The following PXDNL variants were observed in gnomAD, a reference collection of about 807,000 sequenced individuals.
PXDNL encodes the protein probable oxidoreductase PXDNL.
Under a neutral mutation model 150.8 loss-of-function variants are expected in PXDNL, and 145 were observed. The ratio of observed to expected loss-of-function variants is 0.96; its 90% CI spans 0.84 to 1.10. The LOEUF (loss-of-function observed/expected upper bound fraction) is 1.10, where lower values mean the gene tolerates loss of function less well. Among genes scored for constraint, PXDNL ranks in the 50% least tolerant of loss-of-function variants. The probability of loss-of-function intolerance (pLI) is 0.00; values close to 1 mark genes in which losing one functional copy is unlikely to be tolerated. For missense variants in PXDNL, 2,087 were observed against 1,873.9 expected (o/e 1.11, Z -2.10); for synonymous variants, 757 against 725.7 (o/e 1.04, Z -0.69).
intron 2 of PXDNL, among the ~76,000 whole-genome samples, chr8:51,627,134 A>G (rs142080243): frequency 6.6e-6 from 1 of 152,322 alleles, no homozygotes; most frequent in East Asian, 1.9e-4. Context: ...ATCATGAACC[A>G]TGTGTAAAGT....
chr8:51,611,405 A>G (rs912578725), intron 2 of PXDNL, among the ~76,000 whole-genome samples: 6 of 152,160 alleles, frequency 3.9e-5, no homozygotes, highest in Non-Finnish European at 7.4e-5. Context: ...AGTGTTTATT[A>G]TATTGTTTTA....
intron 12 of PXDNL, among the ~76,000 whole-genome samples, chr8:51,442,137 T>G (rs1809565881): frequency 6.6e-6 from 1 of 152,042 alleles, no homozygotes; most frequent in African/African-American, 2.4e-5. Flanking sequence ...CCCAACTCTT[T>G]TATTATTGAG....
At chr8:51,514,939 C>T (rs1426398619) in intron 4 of PXDNL, among the ~76,000 whole-genome samples, 1 of 152,170 alleles carries the variant, frequency 6.6e-6, no homozygotes, top group Non-Finnish European at 1.5e-5. Flanking sequence ...ATTGGAGAAA[C>T]ATACTTGGAG....
chr8:51,431,812 T>C (rs535494011), intron 12 of PXDNL, among the ~76,000 whole-genome samples: 61 of 152,328 alleles, frequency 4.0e-4, no homozygotes, highest in Admixed American at 9.8e-4. Flanking sequence ...ACATTAATTC[T>C]CAGCAAGCAT....
chr8:51,728,285 G>T (rs1219944747), intron 1 of PXDNL, among the ~76,000 whole-genome samples: 1 of 152,136 alleles, frequency 6.6e-6, no homozygotes, highest in Non-Finnish European at 1.5e-5. Context: ...GATAATAAAT[G>T]ACTATGTGAC....
At chr8:51,447,196 G>A (rs1563415981) in intron 11 of PXDNL, 34 bp from the exon 12 acceptor site, 2 of 1,601,372 alleles carry the variant, frequency 1.2e-6, no homozygotes, top group Non-Finnish European at 1.7e-6. Flanking sequence ...ATTCTTCATG[G>A]CCCAGAGCAC....
chr8:51,769,841 G>A (rs757352266), intron 1 of PXDNL, among the ~76,000 whole-genome samples: 1 of 152,186 alleles, frequency 6.6e-6, no homozygotes, highest in African/African-American at 2.4e-5. Flanking sequence ...CCATGGAAAT[G>A]TTTGCTTAAG....
At chr8:51,398,880 T>C (rs866659174) in intron 17 of PXDNL, among the ~76,000 whole-genome samples, 1 of 152,178 alleles carries the variant, frequency 6.6e-6, no homozygotes, top group Middle Eastern at 3.2e-3. Flanking sequence ...TTTAACAAAT[T>C]AAAGAAGGTA....
At chr8:51,791,952 T>C (rs1165783776) in intron 1 of PXDNL, among the ~76,000 whole-genome samples, 1 of 152,170 alleles carries the variant, frequency 6.6e-6, no homozygotes, top group East Asian at 1.9e-4. Context: ...TTCTTTTCTG[T>C]TTACAGAATC....
intron 1 of PXDNL, among the ~76,000 whole-genome samples, chr8:51,784,421 T>A (rs2037442014): frequency 6.6e-6 from 1 of 152,240 alleles, no homozygotes; most frequent in Non-Finnish European, 1.5e-5. Flanking sequence ...ATCTCGCTCA[T>A]GAACTTTATA....
chr8:51,447,811 C>A (rs1809710153), intron 11 of PXDNL, among the ~76,000 whole-genome samples: 1 of 152,168 alleles, frequency 6.6e-6, no homozygotes, highest in South Asian at 2.1e-4. Flanking sequence ...GAATAGCTAA[C>A]CCTATTGAGC....
In PXDNL at chr8:51,394,325, T is replaced by C. The variant is rs1006496980; in HGVS notation, c.3557+13742A>G. On this transcript the variant is annotated intron_variant, in intron 17 of 22. Coordinates refer to ENST00000356297, the MANE Select transcript of PXDNL (RefSeq NM_144651.5). ...TTACTATTAGAGTAAAGCTATCCCA[T>C]CCATAAAACCTAAGAGGTTAACAAG... is the stretch of plus-strand genomic sequence containing the variant. Among the ~76,000 whole-genome samples, 9 of 152,150 alleles carry C rather than the reference T, an allele frequency of 5.9e-5. No individual in the cohort carries two copies. In the South Asian group the frequency reaches 1.0e-3, roughly 18 times the overall value.
intron 1 of PXDNL, among the ~76,000 whole-genome samples, chr8:51,699,254 T>C (rs1206607870): frequency 2.0e-5 from 3 of 152,228 alleles, no homozygotes; most frequent in Non-Finnish European, 4.4e-5. Context: ...ACCACCTTCA[T>C]CAATTATCTT....
chr8:51,671,769 T>C (rs1815503597), intron 1 of PXDNL, among the ~76,000 whole-genome samples: 1 of 152,084 alleles, frequency 6.6e-6, no homozygotes, highest in Non-Finnish European at 1.5e-5. Context: ...TGAACCTCCA[T>C]CCTCACTGAC....
intron 3 of PXDNL, among the ~76,000 whole-genome samples, chr8:51,568,665 G>C (rs1812871929): frequency 2.6e-5 from 4 of 151,864 alleles, no homozygotes; most frequent in Admixed American, 2.6e-4. Context: ...AAAATTATCA[G>C]CCATTATTAC....
chr8:51,780,313 A>T (rs893487471), intron 1 of PXDNL, among the ~76,000 whole-genome samples: 1 of 152,192 alleles, frequency 6.6e-6, no homozygotes, highest in Non-Finnish European at 1.5e-5. Context: ...TTTGAGGGAC[A>T]CTAATGTAGA....
At position 51,556,899 on chromosome 8, in the gene PXDNL, CT is replaced by C; in HGVS notation, c.320del (p.Lys107ArgfsTer7). The C allele has an allele frequency of 1.3e-6, 2 of 1,561,198 alleles. No homozygotes were observed. The highest frequency in any genetic ancestry group is 1.8e-6 in the Non-Finnish European group (2 of 1,132,894). On this transcript the variant is annotated frameshift_variant, in exon 4 of 23. Coordinates refer to ENST00000356297, the MANE Select transcript of PXDNL (RefSeq NM_144651.5). LOFTEE classifies it high-confidence loss of function. ...LENLLYLYLY[K>X]NEIHALDKQT... ...GCTTATCTAGTGCATGGATTTCATT[CT>C]TATACAGGTACCTGGAAAATATATA... is the stretch of plus-strand genomic sequence containing the variant.
At chr8:51,767,037 G>A (rs1395556835) in intron 1 of PXDNL, among the ~76,000 whole-genome samples, 1 of 151,654 alleles carries the variant, frequency 6.6e-6, no homozygotes. Context: ...CTCTATTGAT[G>A]TTTTCTATTT....
rs1202924627 is a variant in PXDNL at position 51,585,294 on chromosome 8, A to T, written c.308+7333T>A. Among the ~76,000 whole-genome samples the T allele has an allele frequency of 3.3e-5, 5 of 152,180 alleles. No homozygotes were observed. The East Asian group carries it at 9.6e-4, about 29-fold the overall frequency. ...CATAAAAGCAATCCAGGCTAGAAAT[A>T]AAGATTTGGGAGCCAGGAGCATCTA... On this transcript the variant is annotated intron_variant, in intron 3 of 22. Coordinates refer to ENST00000356297, the MANE Select transcript of PXDNL (RefSeq NM_144651.5).
Sources: allele counts gnomAD v4.1 joint callset (sites outside exome capture counted in the v4.1 genomes callset), GRCh38; gene constraint gnomAD v4.1.1; transcripts MANE v1.5; gene names NCBI Gene and HGNC (gene_info 2026-07-23, HGNC 2026-07-21).